Variants in ABCC9 observed in about 807,000 individuals in gnomAD.
The protein encoded by ABCC9 is ATP binding cassette subfamily C member 9, also known as ATP-binding cassette sub-family C member 9.
Under a neutral mutation model 188.3 loss-of-function variants are expected in ABCC9, and 95 were observed. The observed-to-expected ratio is 0.50, with a 90% CI of 0.43 to 0.60. The LOEUF is 0.60. ABCC9 is among the 20% of genes least tolerant of loss of function. The probability of loss-of-function intolerance (pLI) is 0.00; values close to 1 mark genes in which losing one functional copy is unlikely to be tolerated. For synonymous variants in ABCC9, 659 were observed against 652.7 expected (o/e 1.01, Z -0.15); for missense variants, 1,102 against 1,876.3 (o/e 0.59, Z 7.62).
chr12:21,935,592 A>G (rs1208707036), intron 3 of ABCC9, among the ~76,000 whole-genome samples: 2 of 152,300 alleles, frequency 1.3e-5, no homozygotes, highest in East Asian at 3.9e-4. Flanking sequence ...CACTTATTTA[A>G]TTGGAAAGAT....
At chr12:21,936,165 T>G (rs968993052) in intron 3 of ABCC9, among the ~76,000 whole-genome samples, 6 of 152,174 alleles carry the variant, frequency 3.9e-5, no homozygotes, top group Non-Finnish European at 8.8e-5. Flanking sequence ...CTTTAACACA[T>G]CTGCCCCACT....
chr12:21,902,275 A>C (rs965203252), intron 12 of ABCC9, among the ~76,000 whole-genome samples: 1 of 151,928 alleles, frequency 6.6e-6, no homozygotes, highest in African/African-American at 2.4e-5. Flanking sequence ...ACATACCAGA[A>C]TCTCTGGGAC....
chr12:21,815,910 G>A lies in ABCC9; in HGVS notation c.3893-17C>T. On this transcript the variant is annotated splice_polypyrimidine_tract_variant and intron_variant, in intron 33 of 39. Coordinates refer to ENST00000261200, the MANE Select transcript of ABCC9 (RefSeq NM_020297.4). Reference sequence around the variant, plus strand: ...GAGAAGGATCTGGAGGATGGGATGGGGAAATAGACAGATAATAGGCAGATA... The same window carrying A: ...GAGAAGGATCTGGAGGATGGGATGGAGAAATAGACAGATAATAGGCAGATA... The A allele has an allele frequency of 6.2e-7, 1 of 1,609,910 alleles. No individual in the cohort carries two copies. The highest frequency in any genetic ancestry group is 8.5e-7 in the Non-Finnish European group (1 of 1,177,382).
rs141714080 is a variant in ABCC9, at chr12:21,887,574, C to G, written c.1911+252G>C. ...TTTATATACATTTGGAGTAAGCAAA[C>G]TCTCAATTTCCTTTTGAATTAAACA... On this transcript the variant is annotated intron_variant, in intron 15 of 39. Coordinates refer to ENST00000261200, the MANE Select transcript of ABCC9 (RefSeq NM_020297.4). Among the ~76,000 whole-genome samples, 608 of 152,174 alleles carry G rather than the reference C, an allele frequency of 4.0e-3. 3 individuals carry two copies. The highest frequency in any genetic ancestry group is 0.014 in the African/African-American group (590 of 41,524).
At chr12:21,834,190 A>ATTTCTTTTT in intron 30 of ABCC9, among the ~76,000 whole-genome samples, 1 of 152,172 alleles carries the variant, frequency 6.6e-6, no homozygotes, top group African/African-American at 2.4e-5. Flanking sequence ...TGACCATTCA[A>ATTTCTTTTT]TTTCTTTTTA....
intron 39 of ABCC9, chr12:21,805,451 G>T: frequency 1.3e-6 from 1 of 756,538 alleles, no homozygotes; most frequent in Non-Finnish European, 2.2e-6. Context: ...AGAAAACTGT[G>T]GACTACTGTA....
intron 12 of ABCC9, among the ~76,000 whole-genome samples, chr12:21,895,544 T>C (rs1947358146): frequency 6.6e-6 from 1 of 152,186 alleles, no homozygotes; most frequent in African/African-American, 2.4e-5. Context: ...CTTTATTGAA[T>C]TTTTTTCTTA....
chr12:21,911,043 T>C, intron 8 of ABCC9, 65 bp from the exon 9 acceptor site: 1 of 1,477,076 alleles, frequency 6.8e-7, no homozygotes, highest in South Asian at 1.2e-5. Context: ...GTGTACAGTT[T>C]GCATTTATTA....
chr12:21,852,824 A>C (rs1283476579), intron 22 of ABCC9, among the ~76,000 whole-genome samples: 2 of 152,174 alleles, frequency 1.3e-5, no homozygotes, highest in Non-Finnish European at 2.9e-5. Flanking sequence ...TAAAGTTAGA[A>C]GTGCCTGCAG....
intron 36 of ABCC9, 78 bp from the exon 37 acceptor site, chr12:21,810,033 T>C (rs1942122142): frequency 2.2e-6 from 2 of 903,852 alleles, no homozygotes; most frequent in Admixed American, 1.8e-5. Context: ...TTGCTTTTCT[T>C]TCCTTACAAT....
At chr12:21,818,370 GT>G in intron 31 of ABCC9, 119 bp from the exon 32 acceptor site, 1 of 795,818 alleles carries the variant, frequency 1.3e-6, no homozygotes, top group South Asian at 1.4e-5. Flanking sequence ...GTCCTGTTAA[GT>G]TTCAGAGGAA....
chr12:21,912,781 G>T, intron 8 of ABCC9, 91 bp downstream of exon 8: 5 of 1,302,422 alleles, frequency 3.8e-6, no homozygotes, highest in South Asian at 1.3e-5. Context: ...AAGCCTATTT[G>T]AACAACTCAT....
chr12:21,805,231 T>C, intron 39 of ABCC9: 1 of 1,614,000 alleles, frequency 6.2e-7, no homozygotes, highest in Non-Finnish European at 8.5e-7. Context: ...CGAGCAAATT[T>C]GGGACAGTAT....
rs1286094139 is a variant in ABCC9, at chr12:21,805,981, C to T, written c.4512+17G>A. On this transcript the variant is annotated intron_variant, in intron 39 of 39. Coordinates refer to ENST00000261200, the MANE Select transcript of ABCC9 (RefSeq NM_020297.4). The stretch of plus-strand genomic sequence containing the variant: ...AAAAACCAAAGAGGTATACCAACTC[C>T]GTCTTCTCATACTTACAGCTATTGT... The T allele has an allele frequency of 8.7e-6, 14 of 1,613,008 alleles. No homozygotes were observed. The highest frequency in any genetic ancestry group is 1.1e-5 in the South Asian group (1 of 91,058).
chr12:21,900,761 A>C (rs1483460262), intron 12 of ABCC9, among the ~76,000 whole-genome samples: 1 of 152,180 alleles, frequency 6.6e-6, no homozygotes, highest in Non-Finnish European at 1.5e-5. Context: ...GAGAAAAAAG[A>C]GTAAAAAGAA....
chr12:21,828,052 CA>C (rs1333596520), intron 31 of ABCC9, among the ~76,000 whole-genome samples: 2 of 152,154 alleles, frequency 1.3e-5, no homozygotes, highest in Non-Finnish European at 2.9e-5. Context: ...TAGTGAAACG[CA>C]ATTAGTGGAA....
intron 5 of ABCC9, chr12:21,925,543 G>A: frequency 1.4e-6 from 1 of 702,384 alleles, no homozygotes. Flanking sequence ...CCAAGCCAGA[G>A]ACAGAAACAC....
chr12:21,884,046 T>G (rs554484366), intron 15 of ABCC9, among the ~76,000 whole-genome samples: 1 of 152,122 alleles, frequency 6.6e-6, no homozygotes, highest in Admixed American at 6.6e-5. Flanking sequence ...AGAAACATAT[T>G]GAGTCAGTAT....
intron 25 of ABCC9, among the ~76,000 whole-genome samples, chr12:21,846,157 A>G (rs1009022771): frequency 2.0e-5 from 3 of 152,224 alleles, no homozygotes; most frequent in African/African-American, 4.8e-5. Flanking sequence ...TACCTGGCTT[A>G]CAAACATCTA....
Sources: gnomAD v4.1 joint callset for allele counts (sites outside exome capture counted in the v4.1 genomes callset) on GRCh38, gnomAD v4.1.1 for gene constraint, MANE v1.5 for transcripts, NCBI Gene and HGNC (gene_info 2026-07-23, HGNC 2026-07-21) for gene names.